The following RTF2 variants were observed in gnomAD, a reference collection of about 807,000 sequenced individuals.
RTF2 encodes replication termination factor 2, also known as UPF0549 protein C20orf43.
A neutral mutation model predicts 38.0 loss-of-function variants in RTF2; 18 were observed. The ratio of observed to expected loss-of-function variants is 0.47; its 90% confidence interval spans 0.33 to 0.70. The LOEUF (loss-of-function observed/expected upper bound fraction) is 0.70, where lower values mean the gene tolerates loss of function less well. Among genes scored for constraint, RTF2 ranks in the 30% least tolerant of loss-of-function variants. The probability of loss-of-function intolerance (pLI) is 0.02; values close to 1 mark genes in which losing one functional copy is unlikely to be tolerated. For missense variants in RTF2, 311 were observed against 379.6 expected, an observed-to-expected ratio of 0.82 and a Z score of 1.50; for synonymous variants, 126 against 137.1, an observed-to-expected ratio of 0.92 and a Z score of 0.57.
intron 1 of RTF2, chr20:56,472,201 A>G (rs1982006484): frequency 1.7e-6 from 1 of 600,824 alleles, no homozygotes; most frequent in Admixed American, 2.8e-5. Context: ...AGTCTGGGCA[A>G]CAGAGCAAGA....
intron 5 of RTF2, among the ~76,000 whole-genome samples, chr20:56,485,501 A>G (rs1462574979): frequency 1.3e-5 from 2 of 152,190 alleles, no homozygotes; most frequent in Admixed American, 6.5e-5. Context: ...TGGGATGTGC[A>G]TTAATTTTGT....
At chr20:56,489,162 T>C (rs990143176) in intron 5 of RTF2, among the ~76,000 whole-genome samples, 9 of 152,002 alleles carry the variant, frequency 5.9e-5, no homozygotes, top group Non-Finnish European at 1.3e-4. Flanking sequence ...TTCAAGTGAT[T>C]CTCCTGCCTT....
chr20:56,486,419 C>T (rs531282639), intron 5 of RTF2, among the ~76,000 whole-genome samples: 10 of 152,240 alleles, frequency 6.6e-5, no homozygotes, highest in East Asian at 3.9e-4. Flanking sequence ...GAGGCCAAGG[C>T]GGGTGGATCA....
intron 5 of RTF2, among the ~76,000 whole-genome samples, chr20:56,495,015 TTTC>T (rs1199684891): frequency 6.6e-6 from 1 of 152,216 alleles, no homozygotes; most frequent in African/African-American, 2.4e-5. Context: ...TTTGTGTACT[TTTC>T]TGTATGAATC....
rs564260611 is a variant in RTF2 at position 56,488,541 on chromosome 20, G to A, written c.477+4352G>A. On this transcript the variant is annotated intron_variant, in intron 5 of 8. Transcript: ENST00000357348. ...TCTACCTGCTTTTCATGGAGGGGGT[G>A]GAGTAGAAAGAGAAAAAGTTAAGTT... is the stretch of plus-strand genomic sequence containing the variant. 6.6e-5 allele frequency among the ~76,000 whole-genome samples: 10 copies of A among 152,272 alleles called. No homozygotes were observed. In the South Asian group the frequency reaches 2.1e-3, roughly 32 times the overall value.
At chr20:56,515,806 A>G (rs1985010447) in intron 6 of RTF2, 1 of 152,270 alleles carries the variant, frequency 6.6e-6, no homozygotes, top group Admixed American at 6.5e-5. Context: ...TTCAAAGCCC[A>G]GTGGGACTAA....
chr20:56,468,682 T>TG lies in RTF2; in HGVS notation c.-15dup. ...AGCTTTGGGGGTTTGCTGCTGGCTC[T>TG]GACTCCCGTCCTGCGATGGGTTGCG... On this transcript the variant is annotated 5_prime_UTR_variant, in exon 1 of 9. Coordinates refer to ENST00000357348, the MANE Select transcript of RTF2 (RefSeq NM_016407.5). 2 of 1,567,432 alleles carry TG rather than the reference T, an allele frequency of 1.3e-6. No homozygotes were observed. Among genetic ancestry groups the TG allele is most frequent in the Non-Finnish European group, 1.7e-6 (2 of 1,156,192 alleles).
intron 5 of RTF2, among the ~76,000 whole-genome samples, chr20:56,505,869 C>A (rs1034467701): frequency 3.3e-5 from 5 of 151,982 alleles, no homozygotes; most frequent in African/African-American, 1.2e-4. Flanking sequence ...AAAATGAAAT[C>A]CCTAATAAAT....
chr20:56,508,323 T>G (rs368564909), intron 5 of RTF2, among the ~76,000 whole-genome samples: 54 of 152,334 alleles, frequency 3.5e-4, no homozygotes, highest in African/African-American at 1.2e-3. Context: ...ATGGCTTTTC[T>G]TGTGCTGATA....
chr20:56,512,196 TGTGGCCTGAGCCAG>T (rs1303867729), intron 5 of RTF2, among the ~76,000 whole-genome samples: 1 of 152,006 alleles, frequency 6.6e-6, no homozygotes, highest in African/African-American at 2.4e-5. Context: ...AGAGAAGTGG[TGTGGCCTGAGCCAG>T]GTGGCCTAGA....
intron 4 of RTF2, among the ~76,000 whole-genome samples, chr20:56,482,847 C>G (rs1247099879): frequency 6.6e-6 from 1 of 152,116 alleles, no homozygotes; most frequent in Admixed American, 6.5e-5. Context: ...AGGCATTATT[C>G]GTTGTTTGAT....
At chr20:56,508,356 C>T (rs774020568) in intron 5 of RTF2, among the ~76,000 whole-genome samples, 16 of 152,162 alleles carry the variant, frequency 1.1e-4, no homozygotes, top group East Asian at 5.8e-4. Context: ...AAAGAGATTC[C>T]GGGCATAGTA....
At chr20:56,472,124 G>A (rs1045894802) in intron 1 of RTF2, among the ~76,000 whole-genome samples, 1 of 152,142 alleles carries the variant, frequency 6.6e-6, no homozygotes, top group African/African-American at 2.4e-5. Flanking sequence ...GGGAGGCTAA[G>A]GGGGAGGATT....
chr20:56,506,937 T>G (rs1475451874), intron 5 of RTF2, among the ~76,000 whole-genome samples: 3 of 152,170 alleles, frequency 2.0e-5, no homozygotes, highest in Non-Finnish European at 2.9e-5. Context: ...CTTGACCTCG[T>G]GATCCGCCCG....
At chr20:56,468,787 C>G (rs754926358) in intron 1 of RTF2, 21 bp downstream of exon 1, 2 of 1,557,752 alleles carry the variant, frequency 1.3e-6, no homozygotes, top group East Asian at 2.4e-5. Context: ...TGGGCCGGCT[C>G]TTGGCGACCG....
intron 5 of RTF2, among the ~76,000 whole-genome samples, chr20:56,488,593 G>C (rs1377490222): frequency 1.3e-5 from 2 of 152,242 alleles, no homozygotes; most frequent in African/African-American, 4.8e-5. Flanking sequence ...GTCAGAAGTG[G>C]TCAGTGCAGC....
At position 56,474,695 on chromosome 20, in the gene RTF2, C is replaced by T; in HGVS notation, c.182C>T (p.Ala61Val). The stretch of plus-strand genomic sequence containing the variant: ...TATTGCAGACTTTATAACAAAGATG[C>T]CGTCATTGAATTTCTCTTGGACAAA... ...CELGRLYNKD[A>V]VIEFLLDKSA... The change falls in exon 3 of 9, where the codon GCC becomes GTC. Residue 61 changes from alanine to valine, a missense_variant. Ala to Val is a moderately conservative substitution (Grantham distance 64, BLOSUM62 0). Coordinates refer to ENST00000357348, the MANE Select transcript of RTF2 (RefSeq NM_016407.5). 7 of 1,607,790 alleles carry T rather than the reference C, an allele frequency of 4.4e-6. No homozygotes were observed. The highest frequency in any genetic ancestry group is 5.9e-6 in the Non-Finnish European group (7 of 1,177,420).
chr20:56,514,514 A>T (rs765705753), intron 6 of RTF2, among the ~76,000 whole-genome samples: 2 of 152,180 alleles, frequency 1.3e-5, no homozygotes, highest in African/African-American at 4.8e-5. Flanking sequence ...GCATTTTACC[A>T]GTGCCAGTCC....
At chr20:56,470,614 G>A in intron 1 of RTF2, 1 of 456,008 alleles carries the variant, frequency 2.2e-6, no homozygotes, top group South Asian at 1.5e-5. Flanking sequence ...TTATTGGTGG[G>A]CTCCTGGATG....
Sources: gnomAD v4.1 joint callset for allele counts (sites outside exome capture counted in the v4.1 genomes callset) on GRCh38, gnomAD v4.1.1 for gene constraint, MANE v1.5 for transcripts, NCBI Gene and HGNC (gene_info 2026-07-23, HGNC 2026-07-21) for gene names.